Variants in NEDD1 observed in about 807,000 individuals in gnomAD.
The protein encoded by NEDD1 is protein NEDD1.
NEDD1 carries 33 observed loss-of-function variants against 74.0 expected under a neutral mutation model. The observed-to-expected ratio is 0.45, with a 90% confidence interval of 0.34 to 0.60. NEDD1 has a LOEUF of 0.60. Ranked by LOEUF, NEDD1 falls within the 20% of genes least tolerant of loss-of-function variation. The pLI, the probability that NEDD1 is intolerant of heterozygous loss-of-function variation, is 0.01. For missense variants in NEDD1, 746 were observed against 776.5 expected, an observed-to-expected ratio of 0.96 and a Z score of 0.47; for synonymous variants, 250 against 264.4, an observed-to-expected ratio of 0.95 and a Z score of 0.53.
chr12:96,908,001 T>TA, intron 2 of NEDD1, 145 bp downstream of exon 2: 2 of 465,276 alleles, frequency 4.3e-6, no homozygotes, highest in Non-Finnish European at 6.3e-6. Context: ...ATCTACCCAC[T>TA]ACACCCCGCA....
intron 5 of NEDD1, 80 bp from the exon 6 acceptor site, chr12:96,919,905 G>A (rs1592872153): frequency 2.4e-6 from 2 of 836,652 alleles, no homozygotes; most frequent in South Asian, 3.8e-5. Context: ...AATACATAAT[G>A]TATGGTATTT....
chr12:96,917,433 C>G (rs765678393), intron 4 of NEDD1, among the ~76,000 whole-genome samples, 188 bp from the exon 5 acceptor site: 1 of 152,090 alleles, frequency 6.6e-6, no homozygotes. Context: ...TTTTGACCCC[C>G]TTAAAAGCTG....
chr12:96,942,033 G>A (rs560674594), intron 10 of NEDD1, among the ~76,000 whole-genome samples: 5 of 152,094 alleles, frequency 3.3e-5, no homozygotes, highest in Middle Eastern at 6.8e-3. Context: ...TACAATTTTT[G>A]TTATGGACTG....
intron 3 of NEDD1, among the ~76,000 whole-genome samples, chr12:96,910,888 T>C (rs1305044843): frequency 6.6e-6 from 1 of 152,264 alleles, no homozygotes; most frequent in Admixed American, 6.5e-5. Flanking sequence ...CAAAGTATTC[T>C]ACTTTCTGAT....
At chr12:96,908,216 C>T (rs895139832) in intron 2 of NEDD1, among the ~76,000 whole-genome samples, 6 of 152,142 alleles carry the variant, frequency 3.9e-5, no homozygotes, top group Non-Finnish European at 8.8e-5. Flanking sequence ...AGCACTGTAT[C>T]GGATGAATGG....
chr12:96,917,851 G>A (rs1249013735), intron 5 of NEDD1, 114 bp downstream of exon 5: 1 of 1,235,720 alleles, frequency 8.1e-7, no homozygotes, highest in Non-Finnish European at 1.1e-6. Context: ...CTTCAGAATT[G>A]AACTAAGATT....
chr12:96,926,835 A>T (rs1875748968), intron 6 of NEDD1, among the ~76,000 whole-genome samples: 1 of 151,944 alleles, frequency 6.6e-6, no homozygotes, highest in Non-Finnish European at 1.5e-5. Context: ...AAAAATACAA[A>T]AATTAGCCAG....
In NEDD1 at chr12:96,945,857, T is replaced by G; in HGVS notation, c.1811+8T>G. Reference sequence around the variant, plus strand: ...AACGTTGGATGACTTTAGGTAGTAATTGAGAAACTACTCCTTCTATCTAGA... The same window carrying G: ...AACGTTGGATGACTTTAGGTAGTAAGTGAGAAACTACTCCTTCTATCTAGA... On this transcript the variant is annotated splice_region_variant and intron_variant, in intron 14 of 15. Coordinates refer to ENST00000266742, the MANE Select transcript of NEDD1 (RefSeq NM_152905.4). 1.3e-6 allele frequency: 2 copies of G among 1,578,348 alleles called. No homozygotes were observed. The highest frequency in any genetic ancestry group is 1.7e-6 in the Non-Finnish European group (2 of 1,149,838).
intron 3 of NEDD1, 51 bp from the exon 4 acceptor site, chr12:96,912,672 A>C: frequency 1.2e-6 from 1 of 828,744 alleles, no homozygotes; most frequent in East Asian, 2.4e-5. Flanking sequence ...ATAATAGTCT[A>C]GTGCTATAGA....
At chr12:96,924,893 A>G in intron 6 of NEDD1, 2 of 447,048 alleles carry the variant, frequency 4.5e-6, no homozygotes, top group South Asian at 3.2e-5. Context: ...TTGTCCCCAA[A>G]TTCTGGAAGA....
chr12:96,940,452 A>T lies in NEDD1; in HGVS notation c.1161A>T (p.Thr387=). ...SINTDTLSKE[T]DSGKNQDFSS... is the part of the protein sequence containing the mutation. ...ACACAGACACTTTATCTAAGGAAAC[A>T]GACAGTGGAAAAAATCAGGATTTCT... Residue 387 remains threonine (T), a synonymous_variant, in exon 10 of 16, where the codon ACA becomes ACT. Transcript: ENST00000266742. 1 of 1,603,534 alleles carries T rather than the reference A, an allele frequency of 6.2e-7. No individual in the cohort carries two copies. Among genetic ancestry groups the T allele is most frequent in the Non-Finnish European group, 8.5e-7 (1 of 1,171,286 alleles).
At chr12:96,943,494 A>C (rs1877871653) in intron 11 of NEDD1, 66 bp from the exon 12 acceptor site, 1 of 1,039,762 alleles carries the variant, frequency 9.6e-7, no homozygotes. Context: ...TATCATGTTA[A>C]ATGCTTTTCT....
intron 12 of NEDD1, among the ~76,000 whole-genome samples, chr12:96,944,053 A>C (rs1255177735): frequency 6.6e-6 from 1 of 152,108 alleles, no homozygotes; most frequent in Non-Finnish European, 1.5e-5. Flanking sequence ...TCATTGCAGT[A>C]TACAACATCA....
chr12:96,921,082 C>T lies in NEDD1; in HGVS notation c.489+957C>T, dbSNP rs933441189. Among the ~76,000 whole-genome samples the T allele has an allele frequency of 3.3e-5, 5 of 152,102 alleles. No homozygotes were observed. The East Asian group carries it at 5.8e-4, about 18-fold the overall frequency. On this transcript the variant is annotated intron_variant, in intron 6 of 15. Coordinates refer to ENST00000266742, the MANE Select transcript of NEDD1 (RefSeq NM_152905.4). ...TGAAAGGGTTGGGGAGTTTCAGCTA[C>T]GTCTAAGGCTTATTGATTTTGTTTT... is the stretch of plus-strand genomic sequence containing the variant.
chr12:96,911,489 A>C (rs1243785438), intron 3 of NEDD1, among the ~76,000 whole-genome samples: 1 of 152,254 alleles, frequency 6.6e-6, no homozygotes, highest in Non-Finnish European at 1.5e-5. Flanking sequence ...CTGAAGAACA[A>C]GGAGTTCCCA....
intron 9 of NEDD1, 59 bp downstream of exon 9, chr12:96,937,452 T>TTTGGC: frequency 1.0e-6 from 1 of 983,068 alleles, no homozygotes; most frequent in East Asian, 2.7e-5. Context: ...TTTTTTTGTT[T>TTTGGC]TTGGCTTGCA....
At chr12:96,916,973 T>A (rs1388426225) in intron 4 of NEDD1, among the ~76,000 whole-genome samples, 1 of 152,106 alleles carries the variant, frequency 6.6e-6, no homozygotes, top group East Asian at 1.9e-4. Flanking sequence ...AGCTTACTGA[T>A]AGATTGGAGG....
At chr12:96,938,612 C>T (rs2136595447) in intron 9 of NEDD1, among the ~76,000 whole-genome samples, 1 of 152,064 alleles carries the variant, frequency 6.6e-6, no homozygotes, top group East Asian at 1.9e-4. Context: ...TTGGTAGATT[C>T]CCAACATTTC....
chr12:96,922,315 CAT>C (rs1298181802), intron 6 of NEDD1, among the ~76,000 whole-genome samples: 4 of 151,878 alleles, frequency 2.6e-5, no homozygotes, highest in South Asian at 4.2e-4. Context: ...TAAAGAGAGA[CAT>C]AAAGTCTAAG....
Sources: allele counts gnomAD v4.1 joint callset (sites outside exome capture counted in the v4.1 genomes callset), GRCh38; gene constraint gnomAD v4.1.1; transcripts MANE v1.5; gene names NCBI Gene and HGNC (gene_info 2026-07-23, HGNC 2026-07-21).